The following MEGF11 variants were observed in gnomAD, a reference collection of about 807,000 sequenced individuals.
MEGF11 encodes multiple EGF like domains 11, also known as multiple epidermal growth factor-like domains protein 11.
A neutral mutation model predicts 146.6 loss-of-function variants in MEGF11; 126 were observed. That is an observed-to-expected ratio of 0.86 (90% CI 0.74 to 1.00). The LOEUF is 1.00. MEGF11 is among the 50% of genes least tolerant of loss of function. The pLI is 0.00. For synonymous variants in MEGF11, 532 were observed against 583.4 expected (o/e 0.91, Z 1.27); for missense variants, 1,509 against 1,521.2 (o/e 0.99, Z 0.13).
chr15:65,931,683 G>A (rs947000839), intron 10 of MEGF11, among the ~76,000 whole-genome samples: 1 of 152,148 alleles, frequency 6.6e-6, no homozygotes, highest in Non-Finnish European at 1.5e-5. Context: ...CTAACCCATT[G>A]TCTCCCAATC....
chr15:66,127,788 G>A lies in MEGF11; in HGVS notation c.98+518C>T, dbSNP rs895650706. ...CAGCCCGCTCTTCCGCTGCAGCTTT[G>A]GCCACCCTTCCCCAGCAACACCCTG... On this transcript the variant is annotated intron_variant, in intron 2 of 25. Coordinates refer to ENST00000395614, the MANE Select transcript of MEGF11 (RefSeq NM_001385028.1). Among the ~76,000 whole-genome samples, 3 of 152,086 alleles carry A rather than the reference G, an allele frequency of 2.0e-5. No individual in the cohort carries two copies. In the South Asian group the frequency reaches 6.2e-4, roughly 32 times the overall value.
intron 8 of MEGF11, among the ~76,000 whole-genome samples, chr15:65,966,509 A>G (rs948326197): frequency 3.3e-5 from 5 of 152,162 alleles, no homozygotes; most frequent in African/African-American, 1.2e-4. Flanking sequence ...CTCTTGTCCT[A>G]CTGGGAGACA....
At chr15:66,034,922 T>C (rs2083670517) in intron 5 of MEGF11, among the ~76,000 whole-genome samples, 1 of 152,208 alleles carries the variant, frequency 6.6e-6, no homozygotes, top group Non-Finnish European at 1.5e-5. Flanking sequence ...AAGTGAGCTC[T>C]CTCTGGCTCT....
chr15:66,044,039 G>A (rs762757286), intron 5 of MEGF11, among the ~76,000 whole-genome samples: 1 of 152,210 alleles, frequency 6.6e-6, no homozygotes, highest in Non-Finnish European at 1.5e-5. Flanking sequence ...AGTGGGTGGT[G>A]TATGGAGGAA....
intron 5 of MEGF11, among the ~76,000 whole-genome samples, chr15:66,050,154 G>C (rs998293689): frequency 2.6e-5 from 4 of 152,156 alleles, no homozygotes; most frequent in Admixed American, 6.5e-5. Context: ...TCAACTCCAG[G>C]GCTCAAGCAA....
At chr15:66,055,133 C>T (rs1401312537) in intron 5 of MEGF11, among the ~76,000 whole-genome samples, 15 of 152,158 alleles carry the variant, frequency 9.9e-5, no homozygotes, top group African/African-American at 1.7e-4. Flanking sequence ...ACAATTCCAC[C>T]GGCAAGTGCT....
intron 5 of MEGF11, among the ~76,000 whole-genome samples, chr15:66,088,024 C>T (rs2086178653): frequency 6.6e-6 from 1 of 152,212 alleles, no homozygotes; most frequent in African/African-American, 2.4e-5. Flanking sequence ...TACAAAAGAA[C>T]ATTGAAGGCT....
chr15:66,232,119 C>G (rs1218690199), intron 1 of MEGF11, among the ~76,000 whole-genome samples: 1 of 152,200 alleles, frequency 6.6e-6, no homozygotes, highest in Non-Finnish European at 1.5e-5. Flanking sequence ...CACCAAGCTG[C>G]CCTCGGCAGG....
intron 5 of MEGF11, among the ~76,000 whole-genome samples, chr15:65,987,858 G>C (rs1424651311): frequency 1.3e-5 from 2 of 151,774 alleles, no homozygotes; most frequent in African/African-American, 2.4e-5. Flanking sequence ...TTATAGGCAT[G>C]CGCCACCATG....
At chr15:66,159,238 G>A (rs934033321) in intron 1 of MEGF11, among the ~76,000 whole-genome samples, 3 of 152,206 alleles carry the variant, frequency 2.0e-5, no homozygotes, top group African/African-American at 7.2e-5. Flanking sequence ...CCATGTAGTA[G>A]AACTCACACA....
chr15:66,106,497 CACTT>C (rs1220480984), intron 4 of MEGF11, among the ~76,000 whole-genome samples: 1 of 152,202 alleles, frequency 6.6e-6, no homozygotes, highest in Non-Finnish European at 1.5e-5. Context: ...TACATACCGT[CACTT>C]ACTTAATCTT....
In MEGF11 at chr15:65,898,995, G is replaced by A. The variant is rs1400719453; in HGVS notation, c.3056-61C>T. On this transcript the variant is annotated intron_variant, in intron 24 of 25. Transcript: ENST00000395614. ...AATACAAGTCTTCATGTTAATATCA[G>A]AAGCAGACTGCAGTTGAGTTTATGT... The A allele has an allele frequency of 3.9e-6, 6 of 1,539,008 alleles. No homozygotes were observed. In the African/African-American group the frequency reaches 8.2e-5, roughly 21 times the overall value.
intron 10 of MEGF11, among the ~76,000 whole-genome samples, chr15:65,936,007 G>C (rs1191919730): frequency 6.6e-6 from 1 of 152,196 alleles, no homozygotes; most frequent in Non-Finnish European, 1.5e-5. Context: ...CCAAGGTGTA[G>C]TGATACCTTT....
chr15:65,924,388 G>A (rs1173472071), intron 13 of MEGF11, among the ~76,000 whole-genome samples: 1 of 148,916 alleles, frequency 6.7e-6, no homozygotes, highest in East Asian at 2.0e-4. Flanking sequence ...GGGGGGGCAA[G>A]TGGTTTCCTC....
intron 24 of MEGF11, among the ~76,000 whole-genome samples, chr15:65,901,559 C>T (rs777673494): frequency 2.0e-5 from 3 of 152,028 alleles, no homozygotes; most frequent in African/African-American, 4.8e-5. Context: ...TCCCTCACTA[C>T]GTGTCTTGTT....
intron 25 of MEGF11, chr15:65,898,378 A>ATT: frequency 1.0e-6 from 1 of 985,434 alleles, no homozygotes; most frequent in African/African-American, 1.7e-5. Context: ...GTAGAAGGTG[A>ATT]TTTAGAGACT....
At position 65,907,695 on chromosome 15, in the gene MEGF11, C is replaced by G. The variant is rs73479321; in HGVS notation, c.2998+1339G>C. On this transcript the variant is annotated intron_variant, in intron 23 of 25. Coordinates refer to ENST00000395614, the MANE Select transcript of MEGF11 (RefSeq NM_001385028.1). ...CTGGCATTAGTTCAGCACTTTATGCCAGACAAGGGCTTCCTTTGCCCTTCC... is the reference window on the plus strand; with the variant it reads ...CTGGCATTAGTTCAGCACTTTATGCGAGACAAGGGCTTCCTTTGCCCTTCC... 6.6e-3 allele frequency among the ~76,000 whole-genome samples: 1,012 copies of G among 152,332 alleles called. 11 individuals are homozygous for G. The highest frequency in any genetic ancestry group is 0.024 in the African/African-American group (982 of 41,562).
chr15:65,955,739 T>TA (rs1189666912), intron 10 of MEGF11, among the ~76,000 whole-genome samples: 245 of 9,738 alleles, frequency 0.025, 23 homozygotes, highest in East Asian at 0.11. Context: ...GTGAGACTCT[T>TA]AAAAAAAAAA....
intron 5 of MEGF11, among the ~76,000 whole-genome samples, chr15:65,984,999 C>T (rs1467712567): frequency 4.6e-5 from 7 of 151,970 alleles, no homozygotes; most frequent in African/African-American, 1.7e-4. Flanking sequence ...AAACTCTTGA[C>T]CTCAGGTGAT....
Sources: allele counts gnomAD v4.1 joint callset (sites outside exome capture counted in the v4.1 genomes callset), GRCh38; gene constraint gnomAD v4.1.1; transcripts MANE v1.5; gene names NCBI Gene and HGNC (gene_info 2026-07-23, HGNC 2026-07-21).